Variants in TMEM181 observed in about 807,000 individuals in gnomAD.
The protein encoded by TMEM181 is transmembrane protein 181, also known as G protein-coupled receptor 178.
Under a neutral mutation model 71.9 loss-of-function variants are expected in TMEM181, and 39 were observed. The ratio of observed to expected loss-of-function variants is 0.54; its 90% CI spans 0.42 to 0.71. The LOEUF is 0.71. TMEM181 is among the 30% of genes least tolerant of loss of function. The pLI is 0.00. For missense variants in TMEM181, 595 were observed against 583.0 expected, an observed-to-expected ratio of 1.02 and a Z score of -0.21; for synonymous variants, 245 against 228.8, an observed-to-expected ratio of 1.07 and a Z score of -0.64.
intron 6 of TMEM181, among the ~76,000 whole-genome samples, chr6:158,603,427 G>A (rs772514396): frequency 6.6e-6 from 1 of 152,172 alleles, no homozygotes; most frequent in African/African-American, 2.4e-5. Flanking sequence ...GACCTGAAGA[G>A]CTCAGGCGGT....
intron 1 of TMEM181, among the ~76,000 whole-genome samples, chr6:158,573,076 G>A (rs1562628441): frequency 6.6e-6 from 1 of 152,240 alleles, no homozygotes; most frequent in East Asian, 1.9e-4. Flanking sequence ...TGAGTAGTGG[G>A]ATCTGGCCAC....
At chr6:158,578,015 G>A (rs1281250458) in intron 2 of TMEM181, among the ~76,000 whole-genome samples, 11 of 152,084 alleles carry the variant, frequency 7.2e-5, no homozygotes, top group South Asian at 2.1e-4. Context: ...TCTTGAACCC[G>A]GGAGGTGGAG....
Position 158,589,763 on chromosome 6 carries a change from T to G in TMEM181, c.473T>G (p.Ile158Ser). ...IVGFEHLKLP[I>S]KGMNFTWKTY... ...GGATTTGAACACCTGAAGCTCCCCA[T>G]CAAGGGAATGAACTTCACAGTAAGT... The change falls in exon 6 of 17, where the codon ATC becomes AGC. Residue 158 changes from isoleucine to serine, a missense_variant. Physicochemically the swap from Ile to Ser is moderately radical, Grantham distance 142. Coordinates refer to ENST00000684151, the MANE Select transcript of TMEM181 (RefSeq NM_001376852.1). 2 of 1,613,714 alleles carry G rather than the reference T, an allele frequency of 1.2e-6. No homozygotes were observed. Among genetic ancestry groups the G allele is most frequent in the Non-Finnish European group, 1.7e-6 (2 of 1,179,600 alleles).
chr6:158,611,181 CTG>C, intron 10 of TMEM181: 1 of 525,642 alleles, frequency 1.9e-6, no homozygotes, highest in Non-Finnish European at 3.9e-6. Context: ...CTCTCTGGCA[CTG>C]TCTTGTCCTT....
intron 10 of TMEM181, chr6:158,621,421 A>G: frequency 4.5e-6 from 1 of 220,746 alleles, no homozygotes; most frequent in Admixed American, 4.4e-5. Context: ...CGGCAGGATG[A>G]GCCCCAGGAT....
rs1416792239 is a variant in TMEM181, at chr6:158,628,468, G to T, written c.1170G>T (p.Glu390Asp). The change falls in exon 14 of 17, where the codon GAG becomes GAT. Residue 390 changes from glutamate (E) to aspartate (D), a missense_variant. Glu to Asp is a conservative substitution (Grantham distance 45). Transcript: ENST00000684151. ...TACTACAAGACAATTTTGTAGCAGA[G>T]CTGTCAACTCACTACCAGAATTATA... ...AQVLQDNFVAELSTHYQNSAE... is the reference protein window; with the variant it reads ...AQVLQDNFVADLSTHYQNSAE... 3 of 1,614,086 alleles carry T rather than the reference G, an allele frequency of 1.9e-6. No individual in the cohort carries two copies. The highest frequency in any genetic ancestry group is 3.3e-5 in the Admixed American group (2 of 60,008).
intron 11 of TMEM181, among the ~76,000 whole-genome samples, chr6:158,624,604 C>T (rs1301483618): frequency 6.6e-6 from 1 of 152,228 alleles, no homozygotes; most frequent in African/African-American, 2.4e-5. Flanking sequence ...CACTTTTAGA[C>T]CTTAGGTCCT....
intron 2 of TMEM181, among the ~76,000 whole-genome samples, chr6:158,577,440 C>T (rs1783227099): frequency 6.6e-6 from 1 of 152,062 alleles, no homozygotes; most frequent in Non-Finnish European, 1.5e-5. Flanking sequence ...TGAACAGAGA[C>T]TGAGGGACCT....
chr6:158,544,182 AGTGTGTGTGTGT>A (rs34605570), intron 1 of TMEM181, among the ~76,000 whole-genome samples: 8 of 127,642 alleles, frequency 6.3e-5, no homozygotes, highest in South Asian at 5.3e-4. Context: ...AATTGGAGAG[AGTGTGTGTGTGT>A]GTGTGTGTGT....
At chr6:158,580,598 A>G (rs1277829363) in intron 2 of TMEM181, among the ~76,000 whole-genome samples, 1 of 152,242 alleles carries the variant, frequency 6.6e-6, no homozygotes, top group Non-Finnish European at 1.5e-5. Context: ...AGAATATATA[A>G]GACAGAGTCT....
In TMEM181 at chr6:158,628,272, ATG is replaced by A. The variant is rs370624321; in HGVS notation, c.1110-129_1110-128del. The A allele has an allele frequency of 1.2e-4, 96 of 773,890 alleles. No individual in the cohort carries two copies. In the African/African-American group the frequency reaches 1.3e-3, roughly 10 times the overall value. 47.9% of individuals were successfully genotyped at this position (773,890 alleles called of 1,614,324 possible). The stretch of plus-strand genomic sequence containing the variant: ...TGTGCATCTGTGCGTGCATCTGTGC[ATG>A]TGTGTGGAAGTTCCCATGCAGAAAT... On this transcript the variant is annotated intron_variant, in intron 13 of 16. Coordinates refer to ENST00000684151, the MANE Select transcript of TMEM181 (RefSeq NM_001376852.1).
intron 10 of TMEM181, chr6:158,610,554 G>T: frequency 2.2e-6 from 1 of 444,452 alleles, no homozygotes; most frequent in Non-Finnish European, 3.6e-6. Context: ...CTGGATGTGT[G>T]TCCTCCACAA....
At chr6:158,583,885 T>C in intron 3 of TMEM181, 69 bp from the exon 4 acceptor site, 1 of 1,176,104 alleles carries the variant, frequency 8.5e-7, no homozygotes, top group South Asian at 1.5e-5. Flanking sequence ...CTTTGTGTGT[T>C]AAAACGATGA....
At position 158,628,440 on chromosome 6, in the gene TMEM181, A is replaced by T; in HGVS notation, c.1142A>T (p.Gln381Leu). The change falls in exon 14 of 17, where the codon CAA (glutamine) becomes CTA (leucine). Residue 381 changes from glutamine (Q) to leucine (L), a missense_variant. Transcript: ENST00000684151. ...ATCCTTTATTTGAGATTTGGGGCGCAAGTACTACAAGACAATTTTGTAGCA... is the reference window on the plus strand; with the variant it reads ...ATCCTTTATTTGAGATTTGGGGCGCTAGTACTACAAGACAATTTTGTAGCA... ...IAILYLRFGA[Q>L]VLQDNFVAEL... 6.2e-7 allele frequency: 1 copy of T among 1,614,202 alleles called. No individual in the cohort carries two copies. Among genetic ancestry groups the T allele is most frequent in the Non-Finnish European group, 8.5e-7 (1 of 1,180,036 alleles).
chr6:158,559,989 A>AC (rs945381992), upstream of TMEM181: 44 of 932,192 alleles, frequency 4.7e-5, no homozygotes, highest in Admixed American at 3.7e-4. Context: ...AAGGAGGGCC[A>AC]CCCCCCTCGC....
chr6:158,631,763 A>T, intron 16 of TMEM181, 47 bp from the exon 17 acceptor site: 1 of 1,543,894 alleles, frequency 6.5e-7, no homozygotes. Context: ...GAGGAAAATA[A>T]AGAGCTGTCA....
chr6:158,588,482 T>C lies in TMEM181; in HGVS notation c.382-1190T>C, dbSNP rs1017125634. On this transcript the variant is annotated intron_variant, in intron 5 of 16. Coordinates refer to ENST00000684151, the MANE Select transcript of TMEM181 (RefSeq NM_001376852.1). ...GTTTGTTTTTGAGACGGAGCTTTGC[T>C]CTTGTTGCCCAGGCTGGAGTGCAAT... 9.3e-4 allele frequency among the ~76,000 whole-genome samples: 141 copies of C among 152,196 alleles called. 1 individual carries two copies. The highest frequency in any genetic ancestry group is 1.6e-3 in the Non-Finnish European group (110 of 68,038).
At chr6:158,569,356 C>T (rs1782679271) in intron 1 of TMEM181, among the ~76,000 whole-genome samples, 3 of 152,228 alleles carry the variant, frequency 2.0e-5, no homozygotes, top group Non-Finnish European at 2.9e-5. Flanking sequence ...ACCCTCTCAC[C>T]CACGAGCCTG....
At chr6:158,626,138 G>A (rs1786262739) in intron 13 of TMEM181, among the ~76,000 whole-genome samples, 1 of 152,236 alleles carries the variant, frequency 6.6e-6, no homozygotes, top group African/African-American at 2.4e-5. Context: ...ACACCCTTGA[G>A]CAGCATGCTC....
Sources: gnomAD v4.1 joint callset for allele counts (sites outside exome capture counted in the v4.1 genomes callset) on GRCh38, gnomAD v4.1.1 for gene constraint, MANE v1.5 for transcripts, NCBI Gene and HGNC (gene_info 2026-07-23, HGNC 2026-07-21) for gene names.